The following HMCN1 variants were observed in gnomAD, a reference collection of about 807,000 sequenced individuals.
The protein encoded by HMCN1 is hemicentin-1.
In HMCN1, 321 loss-of-function variants were observed where a neutral mutation model predicts 625.9. The observed-to-expected ratio is 0.51, with a 90% confidence interval of 0.47 to 0.56. HMCN1 has a LOEUF of 0.56. Among genes scored for constraint, HMCN1 ranks in the 20% least tolerant of loss-of-function variants. HMCN1 has a pLI of 0.00. For missense variants in HMCN1, 6,588 were observed against 6,887.3 expected, an observed-to-expected ratio of 0.96 and a Z score of 1.54; for synonymous variants, 2,425 against 2,417.6, an observed-to-expected ratio of 1.00 and a Z score of -0.09.
intron 80 of HMCN1, 63 bp from the exon 81 acceptor site, chr1:186,122,888 T>C (rs1661461627): frequency 5.3e-6 from 8 of 1,521,778 alleles, no homozygotes; most frequent in Non-Finnish European, 7.2e-6. Flanking sequence ...TACTGTAGTA[T>C]GTAATTTGCG....
intron 2 of HMCN1, among the ~76,000 whole-genome samples, chr1:185,850,865 C>G (rs1473046666): frequency 1.3e-5 from 2 of 151,896 alleles, no homozygotes; most frequent in Non-Finnish European, 2.9e-5. Flanking sequence ...CAAATACTTA[C>G]TTTTTCCCTT....
chr1:185,788,026 TA>T, intron 1 of HMCN1, among the ~76,000 whole-genome samples: 1 of 152,340 alleles, frequency 6.6e-6, no homozygotes, highest in African/African-American at 2.4e-5. Flanking sequence ...CAGGTCTGTC[TA>T]AATTAAAAAT....
intron 4 of HMCN1, among the ~76,000 whole-genome samples, chr1:185,908,538 C>G (rs1318551202): frequency 6.6e-6 from 1 of 151,866 alleles, no homozygotes; most frequent in African/African-American, 2.4e-5. Flanking sequence ...CACCATTTGT[C>G]TAAAGGGAAA....
At chr1:186,031,037 G>C (rs769699053) in intron 36 of HMCN1, among the ~76,000 whole-genome samples, 14 of 151,864 alleles carry the variant, frequency 9.2e-5, no homozygotes, top group Non-Finnish European at 1.8e-4. Flanking sequence ...GAGAAAAAAT[G>C]AGTTACGAGC....
At chr1:185,924,855 C>T (rs1169449124) in intron 8 of HMCN1, among the ~76,000 whole-genome samples, 192 bp from the exon 9 acceptor site, 3 of 151,344 alleles carry the variant, frequency 2.0e-5, no homozygotes, top group African/African-American at 7.3e-5. Flanking sequence ...ATAAAGATAT[C>T]CAGAAATCAA....
intron 1 of HMCN1, among the ~76,000 whole-genome samples, chr1:185,782,022 G>A (rs1171365689): frequency 6.6e-6 from 1 of 152,166 alleles, no homozygotes; most frequent in African/African-American, 2.4e-5. Flanking sequence ...TTATGAATCT[G>A]GGTGCTCATG....
intron 1 of HMCN1, among the ~76,000 whole-genome samples, chr1:185,751,148 C>T (rs1654785695): frequency 6.6e-6 from 1 of 152,090 alleles, no homozygotes; most frequent in African/African-American, 2.4e-5. Flanking sequence ...ATTTTGGATT[C>T]TTATTCCCCC....
intron 11 of HMCN1, chr1:185,957,004 A>G (rs969087069): frequency 2.0e-5 from 3 of 152,236 alleles, no homozygotes; most frequent in Non-Finnish European, 4.4e-5. Context: ...TAGATGTATA[A>G]TTCCTTAATT....
intron 43 of HMCN1, 22 bp downstream of exon 43, chr1:186,053,096 T>G (rs867028880): frequency 6.3e-7 from 1 of 1,592,030 alleles, no homozygotes; most frequent in Non-Finnish European, 8.6e-7. Flanking sequence ...TCCTTGAAAT[T>G]TATAAAATTA....
chr1:186,115,528 A>G (rs1401643203), intron 75 of HMCN1, 114 bp downstream of exon 75: 7 of 1,002,884 alleles, frequency 7.0e-6, no homozygotes, highest in Admixed American at 2.0e-5. Context: ...ATTAGCTAGC[A>G]TATAGAGGGT....
chr1:186,053,871 TG>T lies in HMCN1; in HGVS notation c.6752del (p.Gly2251AlafsTer42). ...CCATGGGGCGAGTTAGAATTTTATC[TG>T]GGGGCAGGCAATTACAAATTTCAAT... is the stretch of plus-strand genomic sequence containing the variant. ...DSMGRVRILS[G>X]GRQLQISIAE... On this transcript the variant is annotated frameshift_variant, in exon 44 of 107. Coordinates refer to ENST00000271588, the MANE Select transcript of HMCN1 (RefSeq NM_031935.3). LOFTEE classifies it high-confidence loss of function. 1 of 1,612,738 alleles carries T rather than the reference TG, an allele frequency of 6.2e-7. No homozygotes were observed. Among genetic ancestry groups the T allele is most frequent in the Non-Finnish European group, 8.5e-7 (1 of 1,179,188 alleles).
At chr1:185,736,630 A>G (rs1417072905) in intron 1 of HMCN1, among the ~76,000 whole-genome samples, 1 of 152,258 alleles carries the variant, frequency 6.6e-6, no homozygotes, top group Non-Finnish European at 1.5e-5. Context: ...GCCTCAAGTT[A>G]TACATGGATA....
At chr1:185,861,533 A>AT (rs1361059290) in intron 2 of HMCN1, among the ~76,000 whole-genome samples, 1 of 152,162 alleles carries the variant, frequency 6.6e-6, no homozygotes, top group Non-Finnish European at 1.5e-5. Context: ...AGGAATTTAA[A>AT]TTTTTTTGAG....
At chr1:185,768,058 C>T (rs545533617) in intron 1 of HMCN1, among the ~76,000 whole-genome samples, 1 of 152,166 alleles carries the variant, frequency 6.6e-6, no homozygotes, top group South Asian at 2.1e-4. Flanking sequence ...AAGGATAATT[C>T]CTTTGAATGC....
intron 98 of HMCN1, among the ~76,000 whole-genome samples, chr1:186,165,879 A>C (rs1248164287): frequency 6.6e-6 from 1 of 152,216 alleles, no homozygotes; most frequent in Admixed American, 6.5e-5. Flanking sequence ...ATCTCCTAGG[A>C]ATTCTGTGAT....
chr1:186,048,295 A>C (rs1656711698), intron 41 of HMCN1, among the ~76,000 whole-genome samples: 1 of 152,170 alleles, frequency 6.6e-6, no homozygotes, highest in Non-Finnish European at 1.5e-5. Context: ...GAATGAGGCT[A>C]ATGTAATATA....
At position 185,980,699 on chromosome 1, in the gene HMCN1, G is replaced by A. The variant is rs1445388287; in HGVS notation, c.2567-279G>A. Among the ~76,000 whole-genome samples, 4 of 152,312 alleles carry A rather than the reference G, an allele frequency of 2.6e-5. No individual in the cohort carries two copies. In the East Asian group the frequency reaches 7.7e-4, roughly 29 times the overall value. On this transcript the variant is annotated intron_variant, in intron 16 of 106. Coordinates refer to ENST00000271588, the MANE Select transcript of HMCN1 (RefSeq NM_031935.3). The stretch of plus-strand genomic sequence containing the variant: ...CTTTGTAACCGATTAGAACTGGACT[G>A]CCCGTCCTCTATTCTACTCACTCAG...
intron 4 of HMCN1, among the ~76,000 whole-genome samples, chr1:185,906,109 T>C (rs1304630247): frequency 1.3e-5 from 2 of 151,830 alleles, no homozygotes; most frequent in African/African-American, 4.8e-5. Context: ...ACTTTTCTTA[T>C]AGTTAGACAA....
rs1278566635 is a variant in HMCN1, at chr1:186,189,723, G to A, written c.16753G>A (p.Glu5585Lys). The A allele has an allele frequency of 6.2e-7, 1 of 1,613,548 alleles. No individual in the cohort carries two copies. Among genetic ancestry groups the A allele is most frequent in the South Asian group, 1.1e-5 (1 of 91,054 alleles). Residue 5585 changes from glutamate (E) to lysine (K), a missense_variant, in exon 107 of 107, where the codon GAA (glutamate) becomes AAA (lysine). This residue lies in a region of HMCN1 where 1,954 missense variants were observed against 2,013.1 expected (regional missense o/e 0.97). Transcript: ENST00000271588. ...EQTVPFALRD[E>K]NLKGVVYTTR... ...GACTGTTCCTTTTGCCTTGAGGGAT[G>A]AAAACCTGAAAGGAGTGGTGTATAC... is the stretch of plus-strand genomic sequence containing the variant.
Sources: gnomAD v4.1 joint callset for allele counts (sites outside exome capture counted in the v4.1 genomes callset) on GRCh38, gnomAD v4.1.1 for gene constraint, gnomAD v4.1.1 regional missense constraint, MANE v1.5 for transcripts, NCBI Gene and HGNC (gene_info 2026-07-23, HGNC 2026-07-21) for gene names.